The following MAP3K21 variants were observed in gnomAD, a reference collection of about 807,000 sequenced individuals.
The protein encoded by MAP3K21 is mitogen-activated protein kinase kinase kinase MLK4.
Under a neutral mutation model 86.1 loss-of-function variants are expected in MAP3K21, and 63 were observed. That is an observed-to-expected ratio of 0.73 (90% CI 0.60 to 0.90). The LOEUF (loss-of-function observed/expected upper bound fraction) is 0.90. Ranked by LOEUF, MAP3K21 falls within the 40% of genes least tolerant of loss-of-function variation. The pLI is 0.00. For synonymous variants in MAP3K21, 558 were observed against 564.8 expected (o/e 0.99, Z 0.17); for missense variants, 1,220 against 1,367.7 (o/e 0.89, Z 1.70).
intron 2 of MAP3K21, 92 bp from the exon 3 acceptor site, chr1:233,353,715 G>C: frequency 1.6e-6 from 2 of 1,217,280 alleles, no homozygotes; most frequent in Non-Finnish European, 2.2e-6. Context: ...ATTAGGAATG[G>C]ATGAAGGTAC....
At chr1:233,339,401 C>CCTCCTT (rs1662991015) in intron 1 of MAP3K21, among the ~76,000 whole-genome samples, 2 of 53,186 alleles carry the variant, frequency 3.8e-5, no homozygotes, top group Non-Finnish European at 6.7e-5. Context: ...TCCTCCTTCT[C>CCTCCTT]CTCCTCCTCC....
At chr1:233,356,453 T>A (rs2102755409) in intron 4 of MAP3K21, among the ~76,000 whole-genome samples, 1 of 148,886 alleles carries the variant, frequency 6.7e-6, no homozygotes, top group African/African-American at 2.5e-5. Flanking sequence ...TCATTATTAT[T>A]ACTGTTTTAA....
chr1:233,382,887 A>C lies in MAP3K21; in HGVS notation c.*176A>C. 1 of 574,774 alleles carries C rather than the reference A, an allele frequency of 1.7e-6. No homozygotes were observed. Among genetic ancestry groups the C allele is most frequent in the Non-Finnish European group, 3.0e-6 (1 of 330,872 alleles). The allele number at this position is 574,774 out of a possible 1,614,324, so 35.6% of individuals were successfully genotyped here. On this transcript the variant is annotated 3_prime_UTR_variant, in exon 10 of 10. Transcript: ENST00000366624. ...TATATGATTGCTGTTAGCCATGTCT[A>C]TTGTTTTTCCTCTGGATTCTTTTCT...
intron 2 of MAP3K21, among the ~76,000 whole-genome samples, chr1:233,351,288 A>G (rs1230554427): frequency 6.6e-6 from 1 of 152,234 alleles, no homozygotes; most frequent in African/African-American, 2.4e-5. Flanking sequence ...ATAATTTACA[A>G]GTAGTACATT....
chr1:233,364,532 C>T (rs1572252229), intron 5 of MAP3K21, among the ~76,000 whole-genome samples: 2 of 152,190 alleles, frequency 1.3e-5, no homozygotes, highest in Non-Finnish European at 2.9e-5. Flanking sequence ...ATTCTTTCCT[C>T]TTCAGTGGTA....
rs1386442292 is a variant in MAP3K21, at chr1:233,328,312, A to G, written c.284A>G (p.Asn95Ser). ...CGGCGCCTCGGCATCTTCCCCGCCA[A>G]CTACGTGGCTCCCTGCCGCCCGGCC... is the stretch of plus-strand genomic sequence containing the variant. ...VQRRLGIFPANYVAPCRPAAS... is the reference protein window; with the variant it reads ...VQRRLGIFPASYVAPCRPAAS... The change falls in exon 1 of 10, where the codon AAC (asparagine) becomes AGC (serine). Residue 95 changes from asparagine to serine, a missense_variant. Asn to Ser is a conservative substitution (Grantham distance 46). This residue lies in a region of MAP3K21 where 369 missense variants were observed against 385.3 expected (regional missense o/e 0.96). Coordinates refer to ENST00000366624, the MANE Select transcript of MAP3K21 (RefSeq NM_032435.3). This position sits in a 1 kb window ranked among gnomAD's most constrained non-coding sequence, Gnocchi z 8.7. The G allele has an allele frequency of 2.7e-6, 4 of 1,482,280 alleles. No homozygotes were observed. In the African/African-American group the frequency reaches 4.4e-5, roughly 16 times the overall value. The allele number at this position is 1,482,280 out of a possible 1,614,324, so 91.8% of individuals were successfully genotyped here. A position where few individuals can be genotyped will look rare whatever the true frequency, so the allele number is the denominator to read the frequency against.
chr1:233,373,391 T>C (rs962157610), intron 6 of MAP3K21: 2 of 152,218 alleles, frequency 1.3e-5, no homozygotes, highest in Non-Finnish European at 2.9e-5. Context: ...AGCCAGGAAG[T>C]GGTACTGGGA....
At chr1:233,357,316 A>G (rs1239677896) in intron 4 of MAP3K21, among the ~76,000 whole-genome samples, 3 of 152,112 alleles carry the variant, frequency 2.0e-5, no homozygotes, top group Non-Finnish European at 4.4e-5. Flanking sequence ...TGATGAGTTA[A>G]TGGGTGCAGC....
At chr1:233,343,659 C>G (rs1466876833) in intron 1 of MAP3K21, among the ~76,000 whole-genome samples, 1 of 152,196 alleles carries the variant, frequency 6.6e-6, no homozygotes, top group Non-Finnish European at 1.5e-5. Context: ...ACCATAGGCT[C>G]TGGAGTCAGA....
At chr1:233,363,405 G>A (rs1381799614) in intron 5 of MAP3K21, among the ~76,000 whole-genome samples, 5 of 152,172 alleles carry the variant, frequency 3.3e-5, no homozygotes, top group Non-Finnish European at 7.4e-5. Context: ...TCAAAAAATT[G>A]CTAGTATGAC....
intron 4 of MAP3K21, among the ~76,000 whole-genome samples, chr1:233,361,375 G>C (rs150292893): frequency 3.9e-5 from 6 of 152,290 alleles, no homozygotes; most frequent in Non-Finnish European, 8.8e-5. Context: ...CCATGTATCA[G>C]CGGGATCTGA....
At chr1:233,368,415 A>C (rs1340899288) in intron 5 of MAP3K21, among the ~76,000 whole-genome samples, 1 of 152,160 alleles carries the variant, frequency 6.6e-6, no homozygotes, top group Non-Finnish European at 1.5e-5. Flanking sequence ...GCACTTTCAG[A>C]GGCCAAGGCA....
intron 6 of MAP3K21, among the ~76,000 whole-genome samples, chr1:233,374,956 T>A (rs559853962): frequency 4.0e-5 from 6 of 151,598 alleles, no homozygotes; most frequent in African/African-American, 1.5e-4. Flanking sequence ...CCCTTTTTTT[T>A]GTTGAAACGG....
chr1:233,372,503 GA>G, intron 6 of MAP3K21: 1 of 324,762 alleles, frequency 3.1e-6, no homozygotes, highest in Non-Finnish European at 5.5e-6. Context: ...AGGGTACTTT[GA>G]AAAATGAAAT....
intron 1 of MAP3K21, among the ~76,000 whole-genome samples, chr1:233,344,302 G>C (rs910774941): frequency 2.0e-4 from 30 of 152,092 alleles, no homozygotes; most frequent in Admixed American, 3.3e-4. Context: ...AACAAAACTG[G>C]AGGCATCACA....
chr1:233,363,983 C>G (rs1663517878), intron 5 of MAP3K21, among the ~76,000 whole-genome samples: 9 of 151,532 alleles, frequency 5.9e-5, no homozygotes, highest in Admixed American at 5.9e-4. Context: ...CATTGCACTC[C>G]AGCCTGGGCA....
chr1:233,342,731 G>A (rs1408680206), intron 1 of MAP3K21, among the ~76,000 whole-genome samples: 1 of 152,080 alleles, frequency 6.6e-6, no homozygotes, highest in Non-Finnish European at 1.5e-5. Flanking sequence ...CAGTATAGAT[G>A]GATAGGAAGA....
rs759066454 is a variant in MAP3K21, at chr1:233,328,476, G to A, written c.448G>A (p.Val150Met). 11 of 1,504,042 alleles carry A rather than the reference G, an allele frequency of 7.3e-6. No homozygotes were observed. Among genetic ancestry groups the A allele is most frequent in the East Asian group, 2.7e-5 (1 of 36,538 alleles). 93.2% of individuals were successfully genotyped at this position (1,504,042 alleles called of 1,614,324 possible). A position where few individuals can be genotyped will look rare whatever the true frequency, so the allele number is the denominator to read the frequency against. Residue 150 changes from valine to methionine, a missense_variant, in exon 1 of 10, where the codon GTG (valine) becomes ATG (methionine). Coordinates refer to ENST00000366624, the MANE Select transcript of MAP3K21 (RefSeq NM_032435.3). This position sits in a 1 kb window ranked among gnomAD's most constrained non-coding sequence, Gnocchi z 8.7. ...RATWQGQEVA[V>M]KAARQDPEQD... ...CACCTGGCAGGGCCAGGAGGTGGCC[G>A]TGAAGGCGGCGCGCCAGGACCCGGA...
At chr1:233,360,060 A>G (rs1302294261) in intron 4 of MAP3K21, among the ~76,000 whole-genome samples, 1 of 152,224 alleles carries the variant, frequency 6.6e-6, no homozygotes, top group East Asian at 1.9e-4. Context: ...TCGTAGCAAC[A>G]CACAACCTAC....
Sources: allele counts gnomAD v4.1 joint callset (sites outside exome capture counted in the v4.1 genomes callset), GRCh38; gene constraint gnomAD v4.1.1; regional missense constraint gnomAD v4.1.1; non-coding constraint Gnocchi (gnomAD v3.1); transcripts MANE v1.5; gene names NCBI Gene and HGNC (gene_info 2026-07-23, HGNC 2026-07-21).